The following RASAL2 variants were observed in gnomAD, a reference collection of about 807,000 sequenced individuals.
The protein encoded by RASAL2 is ras GTPase-activating protein nGAP.
In RASAL2, 58 loss-of-function variants were observed where a neutral mutation model predicts 128.9. That is an observed-to-expected ratio of 0.45 (90% confidence interval 0.36 to 0.56). The LOEUF (loss-of-function observed/expected upper bound fraction) is 0.56. RASAL2 is among the 20% of genes least tolerant of loss of function. The pLI is 0.00. For synonymous variants in RASAL2, 561 were observed against 580.8 expected (o/e 0.97, Z 0.49); for missense variants, 1,360 against 1,601.6 (o/e 0.85, Z 2.57).
At chr1:178,418,482 C>T (rs1246261731) in intron 4 of RASAL2, among the ~76,000 whole-genome samples, 1 of 152,110 alleles carries the variant, frequency 6.6e-6, no homozygotes, top group Non-Finnish European at 1.5e-5. Context: ...GAAAAACAGC[C>T]TAGGGTATTA....
chr1:178,446,093 C>A (rs1261300301), intron 9 of RASAL2, among the ~76,000 whole-genome samples: 1 of 152,216 alleles, frequency 6.6e-6, no homozygotes, highest in East Asian at 1.9e-4. Context: ...ACAACTCCCC[C>A]ACAAATTTCT....
intron 5 of RASAL2, among the ~76,000 whole-genome samples, chr1:178,428,574 T>G (rs1180272147): frequency 1.3e-5 from 2 of 151,542 alleles, no homozygotes; most frequent in Non-Finnish European, 2.9e-5. Flanking sequence ...ATATATATAT[T>G]CTACATATAT....
At chr1:178,425,914 G>T (rs879522355) in intron 5 of RASAL2, among the ~76,000 whole-genome samples, 1 of 152,110 alleles carries the variant, frequency 6.6e-6, no homozygotes, top group African/African-American at 2.4e-5. Flanking sequence ...AAAGAGAGAG[G>T]GATGGACATT....
In RASAL2 at chr1:178,248,415, C is replaced by T. The variant is rs1343726678; in HGVS notation, c.203-35149C>T. On this transcript the variant is annotated intron_variant, in intron 1 of 17. Transcript: ENST00000367649. ...ACCCTGCTTTTTTTGCTTTCCATTC[C>T]CTTTATTTTGAGCCCATGTGTGTCT... Among the ~76,000 whole-genome samples the T allele has an allele frequency of 2.0e-5, 3 of 150,932 alleles. No homozygotes were observed. The East Asian group carries it at 5.9e-4, about 29-fold the overall frequency.
At chr1:178,385,249 T>TA (rs1464710703) in intron 3 of RASAL2, among the ~76,000 whole-genome samples, 2 of 152,100 alleles carry the variant, frequency 1.3e-5, no homozygotes, top group Non-Finnish European at 2.9e-5. Context: ...GCCCAGGAGT[T>TA]AGAGACTAGC....
chr1:178,141,852 G>C (rs1346051063), intron 1 of RASAL2, among the ~76,000 whole-genome samples: 1 of 152,012 alleles, frequency 6.6e-6, no homozygotes, highest in Non-Finnish European at 1.5e-5. Flanking sequence ...GAAATGTATG[G>C]CCTAAAGTGC....
chr1:178,389,152 C>T, intron 3 of RASAL2: 3 of 399,234 alleles, frequency 7.5e-6, no homozygotes, highest in Non-Finnish European at 1.0e-5. Flanking sequence ...CGATTTACTC[C>T]TTGTTTTCTA....
At chr1:178,280,623 A>C (rs1212945195) in intron 1 of RASAL2, among the ~76,000 whole-genome samples, 1 of 152,120 alleles carries the variant, frequency 6.6e-6, no homozygotes, top group Non-Finnish European at 1.5e-5. Flanking sequence ...AGAAGTATTT[A>C]CAAAGAGATC....
intron 1 of RASAL2, among the ~76,000 whole-genome samples, chr1:178,258,481 G>A (rs1665493837): frequency 6.6e-6 from 1 of 152,018 alleles, no homozygotes; most frequent in Non-Finnish European, 1.5e-5. Flanking sequence ...CTCTAAGGAT[G>A]GTATACAAAT....
intron 1 of RASAL2, among the ~76,000 whole-genome samples, chr1:178,213,533 A>G (rs1663326330): frequency 6.6e-6 from 1 of 152,244 alleles, no homozygotes; most frequent in African/African-American, 2.4e-5. Context: ...TTATGATACG[A>G]TGAAATACAT....
intron 1 of RASAL2, among the ~76,000 whole-genome samples, chr1:178,213,295 C>T (rs370426585): frequency 8.5e-5 from 13 of 152,152 alleles, no homozygotes; most frequent in African/African-American, 2.7e-4. Flanking sequence ...TCTCCTGCCT[C>T]GGCTTCCCAA....
chr1:178,220,048 ACTCT>A (rs369195701), intron 1 of RASAL2, among the ~76,000 whole-genome samples: 2 of 150,280 alleles, frequency 1.3e-5, no homozygotes, highest in African/African-American at 2.5e-5. Context: ...CCTCTCTTTA[ACTCT>A]CTCTCTCTCA....
At position 178,460,123 on chromosome 1, in the gene RASAL2, C is replaced by T. The variant is rs540178797; in HGVS notation, c.3252+1579C>T. 2.0e-5 allele frequency among the ~76,000 whole-genome samples: 3 copies of T among 152,124 alleles called. No homozygotes were observed. The South Asian group carries it at 6.2e-4, about 32-fold the overall frequency. ...ATACATAATTTTAGAAATCAGAATA[C>T]TGTGTAGAAGCAAATATCTACTCAG... On this transcript the variant is annotated intron_variant, in intron 14 of 17. Coordinates refer to ENST00000367649, the MANE Select transcript of RASAL2 (RefSeq NM_170692.4).
chr1:178,200,275 A>G (rs1411941031), intron 1 of RASAL2, among the ~76,000 whole-genome samples: 1 of 152,188 alleles, frequency 6.6e-6, no homozygotes, highest in Non-Finnish European at 1.5e-5. Flanking sequence ...AGACCCCAAA[A>G]TGCTAAGGAC....
chr1:178,161,862 G>A (rs1661311453), intron 1 of RASAL2, among the ~76,000 whole-genome samples: 1 of 152,032 alleles, frequency 6.6e-6, no homozygotes, highest in African/African-American at 2.4e-5. Context: ...ATGTGTTTGA[G>A]ACACTGTGTG....
At chr1:178,169,328 G>T (rs184841068) in intron 1 of RASAL2, among the ~76,000 whole-genome samples, 1 of 151,970 alleles carries the variant, frequency 6.6e-6, no homozygotes, top group Non-Finnish European at 1.5e-5. Context: ...GCGACACTTC[G>T]TATTAGAAGA....
chr1:178,128,610 A>G (rs1659986127), intron 1 of RASAL2, among the ~76,000 whole-genome samples: 2 of 152,286 alleles, frequency 1.3e-5, no homozygotes, highest in Middle Eastern at 3.4e-3. Flanking sequence ...GTAAATTTAT[A>G]AAGTCGTATA....
In RASAL2 at chr1:178,445,658, A is replaced by G. The variant is rs1419482199; in HGVS notation, c.1623A>G (p.Ala541=). 2 of 1,610,780 alleles carry G rather than the reference A, an allele frequency of 1.2e-6. No individual in the cohort carries two copies. The highest frequency in any genetic ancestry group is 2.2e-5 in the East Asian group (1 of 44,808). ...KLVGQQYLHD[A]LGEFIKALYE... is the part of the protein sequence containing the mutation. Reference sequence around the variant, plus strand: ...TGGGACAACAGTATCTTCATGACGCACTGGGTATGAAAGAGAAAAACATCT... The same window carrying G: ...TGGGACAACAGTATCTTCATGACGCGCTGGGTATGAAAGAGAAAAACATCT... Residue 541 remains alanine, a synonymous_variant, in exon 9 of 18, where the codon GCA becomes GCG. Coordinates refer to ENST00000367649, the MANE Select transcript of RASAL2 (RefSeq NM_170692.4).
In RASAL2 at chr1:178,275,815, A is replaced by G. The variant is rs561803991; in HGVS notation, c.203-7749A>G. 6.6e-5 allele frequency among the ~76,000 whole-genome samples: 10 copies of G among 152,342 alleles called. No homozygotes were observed. In the South Asian group the frequency reaches 1.0e-3, roughly 16 times the overall value. ...TCTTTCCTGCTCTCTCCTTCTCTTA[A>G]CAAGGGTGATAATGAGCATAGTGGA... On this transcript the variant is annotated intron_variant, in intron 1 of 17. Transcript: ENST00000367649.
Sources: gnomAD v4.1 joint callset for allele counts (sites outside exome capture counted in the v4.1 genomes callset) on GRCh38, gnomAD v4.1.1 for gene constraint, MANE v1.5 for transcripts, NCBI Gene and HGNC (gene_info 2026-07-23, HGNC 2026-07-21) for gene names.